NSMCE2: variants seen among roughly 807,000 people sequenced by gnomAD.
The protein encoded by NSMCE2 is E3 SUMO-protein ligase NSE2.
Under a neutral mutation model 23.8 loss-of-function variants are expected in NSMCE2, and 24 were observed. The ratio of observed to expected loss-of-function variants is 1.01; its 90% CI spans 0.73 to 1.42. The LOEUF (loss-of-function observed/expected upper bound fraction) is 1.42. Ranked by LOEUF, NSMCE2 falls within the 40% of genes most tolerant of loss-of-function variation. The pLI, the probability that NSMCE2 is intolerant of heterozygous loss-of-function variation, is 0.00. For missense variants in NSMCE2, 284 were observed against 296.5 expected, an observed-to-expected ratio of 0.96 and a Z score of 0.31; for synonymous variants, 92 against 94.1, an observed-to-expected ratio of 0.98 and a Z score of 0.13.
intron 5 of NSMCE2, among the ~76,000 whole-genome samples, chr8:125,267,865 CA>C: frequency 6.6e-6 from 1 of 151,936 alleles, no homozygotes; most frequent in Non-Finnish European, 1.5e-5. Flanking sequence ...ACTCATTTTT[CA>C]AAAAGTTTAA....
chr8:125,200,152 T>TG (rs1389910291), intron 5 of NSMCE2, among the ~76,000 whole-genome samples: 1 of 152,244 alleles, frequency 6.6e-6, no homozygotes, highest in African/African-American at 2.4e-5. Flanking sequence ...GTCTTTTAAT[T>TG]GGGGCATTTA....
intron 5 of NSMCE2, among the ~76,000 whole-genome samples, chr8:125,250,333 TA>T (rs35831885): frequency 0.26 from 38,637 of 151,488 alleles, 6,547 homozygotes; most frequent in African/African-American, 0.47. Flanking sequence ...TTTTTCTTTT[TA>T]AAAAAAAAGC....
chr8:125,289,423 T>C (rs1265880891), intron 5 of NSMCE2, among the ~76,000 whole-genome samples: 2 of 152,176 alleles, frequency 1.3e-5, no homozygotes, highest in African/African-American at 2.4e-5. Flanking sequence ...GTCCTGCTTA[T>C]TCTCTTGGAC....
chr8:125,210,345 T>G (rs1051255214), intron 5 of NSMCE2, among the ~76,000 whole-genome samples: 2 of 152,236 alleles, frequency 1.3e-5, no homozygotes, highest in Non-Finnish European at 2.9e-5. Flanking sequence ...AATCATGTTT[T>G]TCTCTGTGGA....
At chr8:125,170,921 A>T (rs534908617) in intron 4 of NSMCE2, among the ~76,000 whole-genome samples, 2 of 152,288 alleles carry the variant, frequency 1.3e-5, no homozygotes, top group South Asian at 4.1e-4. Flanking sequence ...AGAGGTTTTT[A>T]CTACTCTGTG....
chr8:125,231,279 T>G (rs1169850927), intron 5 of NSMCE2, among the ~76,000 whole-genome samples: 1 of 152,180 alleles, frequency 6.6e-6, no homozygotes, highest in Non-Finnish European at 1.5e-5. Context: ...GTAGATGTGA[T>G]TAAATGGTTG....
chr8:125,282,020 A>G (rs1394480540), intron 5 of NSMCE2, among the ~76,000 whole-genome samples: 1 of 152,142 alleles, frequency 6.6e-6, no homozygotes, highest in African/African-American at 2.4e-5. Flanking sequence ...TCCCATTGAA[A>G]TTGGTGAGCT....
intron 1 of NSMCE2, among the ~76,000 whole-genome samples, chr8:125,097,966 C>T (rs1238939522): frequency 2.0e-5 from 3 of 152,078 alleles, no homozygotes; most frequent in African/African-American, 7.2e-5. Context: ...TTATTACTGG[C>T]ATCTCTGTCT....
intron 5 of NSMCE2, among the ~76,000 whole-genome samples, chr8:125,184,708 G>A (rs887979608): frequency 2.6e-5 from 4 of 151,960 alleles, no homozygotes; most frequent in African/African-American, 9.7e-5. Flanking sequence ...AATACAAGTT[G>A]ATACAAGTAT....
intron 1 of NSMCE2, among the ~76,000 whole-genome samples, chr8:125,100,306 T>C (rs62529098): frequency 6.6e-6 from 1 of 152,156 alleles, no homozygotes; most frequent in African/African-American, 2.4e-5. Context: ...CAATGATTTG[T>C]GCACTTCATT....
chr8:125,250,862 A>C (rs950592034), intron 5 of NSMCE2, among the ~76,000 whole-genome samples: 2 of 152,192 alleles, frequency 1.3e-5, no homozygotes, highest in Non-Finnish European at 2.9e-5. Flanking sequence ...CCTGATCTTT[A>C]CGCAGGAAGA....
At chr8:125,275,477 A>G (rs1827414045) in intron 5 of NSMCE2, among the ~76,000 whole-genome samples, 1 of 152,148 alleles carries the variant, frequency 6.6e-6, no homozygotes, top group African/African-American at 2.4e-5. Context: ...TGCCCTGTGG[A>G]TAGCCAACCA....
chr8:125,275,005 A>G (rs1377489684), intron 5 of NSMCE2, among the ~76,000 whole-genome samples: 6 of 5,802 alleles, frequency 1.0e-3, no homozygotes, highest in Admixed American at 2.4e-3. Context: ...AGATGATAAT[A>G]ATAATAATAA....
intron 5 of NSMCE2, among the ~76,000 whole-genome samples, chr8:125,253,132 A>G (rs1268909803): frequency 6.6e-6 from 1 of 152,236 alleles, no homozygotes; most frequent in Non-Finnish European, 1.5e-5. Flanking sequence ...ACCCCAGGGT[A>G]CTGCCATTTC....
intron 7 of NSMCE2, among the ~76,000 whole-genome samples, chr8:125,360,601 G>A (rs1475852770): frequency 1.3e-5 from 2 of 152,048 alleles, no homozygotes; most frequent in Admixed American, 1.3e-4. Flanking sequence ...AGGAGTGGAG[G>A]CTCATGGGAA....
At chr8:125,152,427 C>T (rs1180062013) in intron 4 of NSMCE2, among the ~76,000 whole-genome samples, 2 of 152,284 alleles carry the variant, frequency 1.3e-5, no homozygotes, top group South Asian at 4.1e-4. Context: ...AGGACTGGGA[C>T]ACTAGTATTT....
chr8:125,324,518 CAAAAAA>C (rs71295841), intron 5 of NSMCE2, among the ~76,000 whole-genome samples: 56 of 49,014 alleles, frequency 1.1e-3, no homozygotes, highest in South Asian at 2.7e-3. Context: ...GGTGCCAGAC[CAAAAAA>C]AAAAAAAAAA....
intron 5 of NSMCE2, among the ~76,000 whole-genome samples, chr8:125,211,369 A>T (rs1824333850): frequency 6.6e-6 from 1 of 152,148 alleles, no homozygotes; most frequent in Admixed American, 6.5e-5. Context: ...AGCATATTGG[A>T]TACTCTGTTC....
At chr8:125,302,756 G>C (rs1425654490) in intron 5 of NSMCE2, among the ~76,000 whole-genome samples, 1 of 152,088 alleles carries the variant, frequency 6.6e-6, no homozygotes, top group East Asian at 1.9e-4. Flanking sequence ...GTGATTTCAT[G>C]ATGTCATACT....
Sources: allele counts gnomAD v4.1 joint callset (sites outside exome capture counted in the v4.1 genomes callset), GRCh38; gene constraint gnomAD v4.1.1; transcripts MANE v1.5; gene names NCBI Gene and HGNC (gene_info 2026-07-23, HGNC 2026-07-21).